Variants in TAFA4 observed in about 807,000 individuals in gnomAD.
TAFA4 encodes TAFA chemokine like family member 4.
Under a neutral mutation model 21.1 loss-of-function variants are expected in TAFA4, and 20 were observed. The observed-to-expected ratio is 0.95, with a 90% CI of 0.67 to 1.38. The LOEUF (loss-of-function observed/expected upper bound fraction) is 1.38, where lower values mean the gene tolerates loss of function less well. TAFA4 is among the 40% of genes most tolerant of loss of function. The pLI is 0.00. For missense variants in TAFA4, 211 were observed against 180.9 expected, an observed-to-expected ratio of 1.17 and a Z score of -0.95; for synonymous variants, 71 against 67.4, an observed-to-expected ratio of 1.05 and a Z score of -0.26.
chr3:68,880,454 T>C (rs955672143), intron 3 of TAFA4, among the ~76,000 whole-genome samples: 2 of 152,070 alleles, frequency 1.3e-5, no homozygotes, highest in African/African-American at 4.8e-5. Flanking sequence ...ACCACACAAA[T>C]TGCTGATGGT....
At chr3:68,781,976 G>A (rs190302050) in intron 3 of TAFA4, among the ~76,000 whole-genome samples, 17 of 152,136 alleles carry the variant, frequency 1.1e-4, no homozygotes, top group African/African-American at 3.9e-4. Context: ...CAAAACACAA[G>A]CAAAGAAACA....
intron 5 of TAFA4, among the ~76,000 whole-genome samples, chr3:68,734,636 G>C (rs530077712): frequency 7.7e-4 from 117 of 152,288 alleles, no homozygotes; most frequent in African/African-American, 2.2e-3. Flanking sequence ...TCTTTGGCTT[G>C]AGCAACTGAA....
intron 3 of TAFA4, among the ~76,000 whole-genome samples, chr3:68,763,019 C>T (rs144162175): frequency 1.0e-3 from 153 of 152,356 alleles, no homozygotes; most frequent in African/African-American, 3.2e-3. Flanking sequence ...GCCTGGGCAA[C>T]AGAGCGAGAC....
intron 1 of TAFA4, among the ~76,000 whole-genome samples, chr3:68,917,607 AG>A (rs1452529851): frequency 1.3e-5 from 2 of 151,924 alleles, no homozygotes; most frequent in African/African-American, 4.8e-5. Flanking sequence ...ACAAAAAATT[AG>A]CCGGGCGTGG....
At position 68,917,753 on chromosome 3, in the gene TAFA4, CAA is replaced by C. The variant is rs55853026; in HGVS notation, c.-123+14485_-123+14486del. ...TGGACGACAGAGCGAGACTCTGTCT[CAA>C]AAAAAAAAAAAAAAAAAAGAAAGTT... On this transcript the variant is annotated intron_variant, in intron 1 of 5. Coordinates refer to ENST00000295569, the MANE Select transcript of TAFA4 (RefSeq NM_182522.5). Among the ~76,000 whole-genome samples the C allele has an allele frequency of 4.3e-3, 252 of 58,206 alleles. 1 individual carries two copies. Among genetic ancestry groups the C allele is most frequent in the African/African-American group, 0.016 (242 of 15,526 alleles). The allele number at this position is 58,206 out of a possible 152,430, so 38.2% of individuals were successfully genotyped here. A position where few individuals can be genotyped will look rare whatever the true frequency, so the allele number is the denominator to read the frequency against.
At chr3:68,752,811 G>A in intron 4 of TAFA4, 52 bp downstream of exon 4, 1 of 1,611,102 alleles carries the variant, frequency 6.2e-7, no homozygotes, top group African/African-American at 1.3e-5. Flanking sequence ...GAAATTCCTG[G>A]TGGGTTTTGG....
intron 3 of TAFA4, among the ~76,000 whole-genome samples, chr3:68,846,450 TTG>T (rs1177796776): frequency 1.3e-5 from 2 of 152,056 alleles, no homozygotes. Flanking sequence ...CTTCCTTGCA[TTG>T]TGTTAGAACA....
chr3:68,801,555 C>G (rs1268015857), intron 3 of TAFA4, among the ~76,000 whole-genome samples: 1 of 152,218 alleles, frequency 6.6e-6, no homozygotes, highest in Non-Finnish European at 1.5e-5. Flanking sequence ...GTTGACACAA[C>G]ATGAATGTCA....
intron 1 of TAFA4, among the ~76,000 whole-genome samples, chr3:68,930,267 TC>T (rs535002249): frequency 1.1e-4 from 16 of 152,318 alleles, no homozygotes; most frequent in African/African-American, 3.4e-4. Context: ...ATGGTTGCCT[TC>T]AATGAAAAAT....
chr3:68,765,242 G>A (rs1382864978), intron 3 of TAFA4, among the ~76,000 whole-genome samples: 2 of 152,104 alleles, frequency 1.3e-5, no homozygotes, highest in Non-Finnish European at 2.9e-5. Flanking sequence ...TTGTATGCAG[G>A]ACCATCTCGT....
rs147642702 is a variant in TAFA4, at chr3:68,926,523, G to A, written c.-123+5717C>T. Among the ~76,000 whole-genome samples the A allele has an allele frequency of 1.3e-3, 191 of 152,254 alleles. 1 individual carries two copies. Among genetic ancestry groups the A allele is most frequent in the East Asian group, 3.9e-3 (20 of 5,172 alleles). On this transcript the variant is annotated intron_variant, in intron 1 of 5. Transcript: ENST00000295569. Reference sequence around the variant, plus strand: ...TTCCCCGACAGAAATAAAGAGCTGCGGACATTGGATAAGACACTTTTCACT... The same window carrying A: ...TTCCCCGACAGAAATAAAGAGCTGCAGACATTGGATAAGACACTTTTCACT...
chr3:68,860,128 G>T (rs2089314519), intron 3 of TAFA4, among the ~76,000 whole-genome samples: 1 of 151,958 alleles, frequency 6.6e-6, no homozygotes. Flanking sequence ...ATTGTTTATC[G>T]ACTTCCTTTC....
intron 1 of TAFA4, among the ~76,000 whole-genome samples, chr3:68,920,059 T>A (rs2090042975): frequency 6.6e-6 from 1 of 152,218 alleles, no homozygotes; most frequent in South Asian, 2.1e-4. Context: ...AAGAATGGTA[T>A]CATCATACTC....
chr3:68,803,797 CT>C lies in TAFA4; in HGVS notation c.131-50780del, dbSNP rs386396961. Reference sequence around the variant, plus strand: ...TTTAAGGGTCTCTACATCTCTGATTCTTTTTTTTTTTTTTTTTTTTTTTGTG... The same window carrying C: ...TTTAAGGGTCTCTACATCTCTGATTCTTTTTTTTTTTTTTTTTTTTTTGTG... On this transcript the variant is annotated intron_variant, in intron 3 of 5. Coordinates refer to ENST00000295569, the MANE Select transcript of TAFA4 (RefSeq NM_182522.5). Among the ~76,000 whole-genome samples, 702 of 81,500 alleles carry C rather than the reference CT, an allele frequency of 8.6e-3. 3 individuals are homozygous for C. The highest frequency in any genetic ancestry group is 0.033 in the African/African-American group (652 of 19,796). 53.5% of individuals were successfully genotyped at this position (81,500 alleles called of 152,430 possible).
At position 68,732,726 on chromosome 3, in the gene TAFA4, T is replaced by G. The variant is rs965032311; in HGVS notation, c.*416A>C. 9.1e-5 allele frequency: 15 copies of G among 165,480 alleles called. No individual in the cohort carries two copies. The highest frequency in any genetic ancestry group is 1.2e-4 in the Non-Finnish European group (9 of 77,224). The allele number at this position is 165,480 out of a possible 1,614,324, so 10.3% of individuals were successfully genotyped here. A position where few individuals can be genotyped will look rare whatever the true frequency, so the allele number is the denominator to read the frequency against. ...CTTTTTAGACCCCTTTAAAACCACT[T>G]TAATACAAGGACAAAAGGAAAAGTT... On this transcript the variant is annotated 3_prime_UTR_variant, in exon 6 of 6. Transcript: ENST00000295569.
chr3:68,765,828 G>T (rs1314726565), intron 3 of TAFA4, among the ~76,000 whole-genome samples: 1 of 152,120 alleles, frequency 6.6e-6, no homozygotes, highest in African/African-American at 2.4e-5. Context: ...GGCAGAAGTG[G>T]ATACCGAGGG....
intron 3 of TAFA4, among the ~76,000 whole-genome samples, chr3:68,875,811 G>A (rs1410636229): frequency 1.3e-5 from 2 of 151,684 alleles, no homozygotes; most frequent in African/African-American, 4.9e-5. Flanking sequence ...GAGAATAACA[G>A]CATAAGCTAT....
chr3:68,787,158 C>T (rs1054115798), intron 3 of TAFA4, among the ~76,000 whole-genome samples: 1 of 152,142 alleles, frequency 6.6e-6, no homozygotes, highest in Non-Finnish European at 1.5e-5. Context: ...AATATGTCCC[C>T]TCCATGCTGA....
chr3:68,764,802 C>T (rs1702817909), intron 3 of TAFA4, among the ~76,000 whole-genome samples: 1 of 152,152 alleles, frequency 6.6e-6, no homozygotes, highest in Non-Finnish European at 1.5e-5. Flanking sequence ...CTCAGTCCAT[C>T]ACAATGAGTA....
Sources: allele counts gnomAD v4.1 joint callset (sites outside exome capture counted in the v4.1 genomes callset), GRCh38; gene constraint gnomAD v4.1.1; transcripts MANE v1.5; gene names NCBI Gene and HGNC (gene_info 2026-07-23, HGNC 2026-07-21).